The following GPR137C variants were observed in gnomAD, a reference collection of about 807,000 sequenced individuals.
The protein encoded by GPR137C is G protein-coupled receptor 137C, also known as integral membrane protein GPR137C.
GPR137C carries 27 observed loss-of-function variants against 43.4 expected under a neutral mutation model. The observed-to-expected ratio is 0.62, with a 90% confidence interval of 0.46 to 0.86. The LOEUF (loss-of-function observed/expected upper bound fraction) is 0.86. Among genes scored for constraint, GPR137C ranks in the 40% least tolerant of loss-of-function variants. The pLI is 0.00. For missense variants in GPR137C, 522 were observed against 534.6 expected, an observed-to-expected ratio of 0.98 and a Z score of 0.23; for synonymous variants, 285 against 226.9, an observed-to-expected ratio of 1.26 and a Z score of -2.30.
intron 3 of GPR137C, among the ~76,000 whole-genome samples, chr14:52,630,218 A>G (rs2039278942): frequency 6.6e-6 from 1 of 152,000 alleles, no homozygotes; most frequent in Non-Finnish European, 1.5e-5. Flanking sequence ...CTCTTTTCTC[A>G]CAATCTTTTT....
At position 52,598,307 on chromosome 14, in the gene GPR137C, C is replaced by A; in HGVS notation, c.480C>A (p.Asp160Glu). Reference protein sequence around the residue: ...ICKVRCATELDRHKILLHLGF... With the variant: ...ICKVRCATELERHKILLHLGF... ...AAGTCAGATGTGCCACTGAACTTGA[C>A]AGACACAAGTAAGTTTTATGAGTAT... Residue 160 changes from aspartate to glutamate, a missense_variant, in exon 2 of 7, where the codon GAC becomes GAA. Transcript: ENST00000321662. 1 of 1,382,790 alleles carries A rather than the reference C, an allele frequency of 7.2e-7. No individual in the cohort carries two copies. Among genetic ancestry groups the A allele is most frequent in the Non-Finnish European group, 9.9e-7 (1 of 1,011,624 alleles). The allele number at this position is 1,382,790 out of a possible 1,614,324, so 85.7% of individuals were successfully genotyped here.
chr14:52,630,699 G>A (rs1025106362), intron 3 of GPR137C, among the ~76,000 whole-genome samples: 1 of 150,688 alleles, frequency 6.6e-6, no homozygotes, highest in East Asian at 2.0e-4. Flanking sequence ...TCTCAACCCC[G>A]CAAGAGCCCC....
chr14:52,584,701 T>C (rs751798618), intron 1 of GPR137C, among the ~76,000 whole-genome samples: 1 of 152,128 alleles, frequency 6.6e-6, no homozygotes, highest in South Asian at 2.1e-4. Flanking sequence ...AGCCTCAAAC[T>C]CCTGGGCTGA....
At chr14:52,634,018 C>T (rs569384693) in intron 6 of GPR137C, 72 bp downstream of exon 6, 236 of 902,522 alleles carry the variant, frequency 2.6e-4, no homozygotes, top group Middle Eastern at 4.4e-4. Context: ...TAAGCTTTAA[C>T]CAAAATATGA....
At chr14:52,628,670 C>G (rs1057062840) in intron 3 of GPR137C, among the ~76,000 whole-genome samples, 1 of 152,024 alleles carries the variant, frequency 6.6e-6, no homozygotes, top group Non-Finnish European at 1.5e-5. Flanking sequence ...GTGGCAGGCA[C>G]CTGTAATCCC....
At chr14:52,573,371 A>G (rs1266849843) in intron 1 of GPR137C, among the ~76,000 whole-genome samples, 1 of 152,240 alleles carries the variant, frequency 6.6e-6, no homozygotes, top group Admixed American at 6.5e-5. Context: ...ATACCAAAAC[A>G]GATATATAGA....
intron 1 of GPR137C, among the ~76,000 whole-genome samples, chr14:52,566,344 G>A (rs2038369935): frequency 6.6e-6 from 1 of 152,148 alleles, no homozygotes; most frequent in African/African-American, 2.4e-5. Context: ...CTACTATGTA[G>A]GATCCAGTCA....
chr14:52,586,428 A>AC (rs780393364), intron 1 of GPR137C, among the ~76,000 whole-genome samples: 29 of 152,202 alleles, frequency 1.9e-4, no homozygotes, highest in Non-Finnish European at 3.8e-4. Flanking sequence ...GCAAGGTACC[A>AC]GTGACATACC....
At chr14:52,586,971 A>G (rs550625471) in intron 1 of GPR137C, among the ~76,000 whole-genome samples, 1 of 152,300 alleles carries the variant, frequency 6.6e-6, no homozygotes, top group South Asian at 2.1e-4. Context: ...AAATCATTCA[A>G]ACGTAGAATC....
At chr14:52,587,210 C>T (rs2038724750) in intron 1 of GPR137C, among the ~76,000 whole-genome samples, 1 of 152,088 alleles carries the variant, frequency 6.6e-6, no homozygotes, top group African/African-American at 2.4e-5. Context: ...GGCTCTATAT[C>T]TGAGTAAGTT....
At chr14:52,586,834 G>A (rs571407197) in intron 1 of GPR137C, among the ~76,000 whole-genome samples, 2 of 152,150 alleles carry the variant, frequency 1.3e-5, no homozygotes, top group South Asian at 4.2e-4. Flanking sequence ...TTTGTCAGTG[G>A]TGCCCTCATT....
At chr14:52,610,781 A>G (rs2039030274) in intron 3 of GPR137C, among the ~76,000 whole-genome samples, 1 of 152,212 alleles carries the variant, frequency 6.6e-6, no homozygotes, top group Non-Finnish European at 1.5e-5. Flanking sequence ...ATAAGCCTTC[A>G]CAACTGGGTT....
At chr14:52,566,077 CTG>C (rs2038365059) in intron 1 of GPR137C, among the ~76,000 whole-genome samples, 1 of 152,106 alleles carries the variant, frequency 6.6e-6, no homozygotes, top group African/African-American at 2.4e-5. Context: ...AATTCTGTCT[CTG>C]AGATATAGAT....
intron 3 of GPR137C, among the ~76,000 whole-genome samples, chr14:52,618,087 A>G (rs142174998): frequency 1.3e-5 from 2 of 152,250 alleles, no homozygotes; most frequent in Non-Finnish European, 2.9e-5. Flanking sequence ...CTCAAAAGGA[A>G]CAGTCACTGA....
At chr14:52,575,298 G>GGT (rs2038534468) in intron 1 of GPR137C, among the ~76,000 whole-genome samples, 1 of 152,162 alleles carries the variant, frequency 6.6e-6, no homozygotes, top group African/African-American at 2.4e-5. Context: ...AGGGGGCTGA[G>GGT]GTTGGAGGAT....
rs192084281 is a variant in GPR137C, at chr14:52,634,797, T to C, written c.1113-141T>C. 4.1e-4 allele frequency: 281 copies of C among 689,040 alleles called. 2 individuals carry two copies. In the African/African-American group the frequency reaches 4.7e-3, roughly 11 times the overall value. The allele number at this position is 689,040 out of a possible 1,614,324, so 42.7% of individuals were successfully genotyped here. A position where few individuals can be genotyped will look rare whatever the true frequency, so the allele number is the denominator to read the frequency against. The stretch of plus-strand genomic sequence containing the variant: ...TCATTAAATTTGTAGAAAAGCATTT[T>C]GTTATTTGACAAAGAACATATTTCA... On this transcript the variant is annotated intron_variant, in intron 6 of 6. Coordinates refer to ENST00000321662, the MANE Select transcript of GPR137C (RefSeq NM_001099652.2).
At chr14:52,604,800 C>A (rs1392546051) in intron 3 of GPR137C, among the ~76,000 whole-genome samples, 1 of 152,044 alleles carries the variant, frequency 6.6e-6, no homozygotes, top group Non-Finnish European at 1.5e-5. Context: ...TTCCCAGCAC[C>A]ATTTATTGAG....
chr14:52,629,030 T>A (rs1412457046), intron 3 of GPR137C, among the ~76,000 whole-genome samples: 1 of 152,180 alleles, frequency 6.6e-6, no homozygotes, highest in Non-Finnish European at 1.5e-5. Flanking sequence ...TAACACAATA[T>A]TATTAGTCAT....
chr14:52,591,544 AT>A (rs1470068607), intron 1 of GPR137C, among the ~76,000 whole-genome samples: 1 of 152,136 alleles, frequency 6.6e-6, no homozygotes, highest in African/African-American at 2.4e-5. Flanking sequence ...ATGGTGTCTT[AT>A]TGTGGTTTTG....
Sources: allele counts gnomAD v4.1 joint callset (sites outside exome capture counted in the v4.1 genomes callset), GRCh38; gene constraint gnomAD v4.1.1; transcripts MANE v1.5; gene names NCBI Gene and HGNC (gene_info 2026-07-23, HGNC 2026-07-21).